The following SYNE1 variants were observed in gnomAD, a reference collection of about 807,000 sequenced individuals.
SYNE1 encodes the protein nesprin-1.
Under a neutral mutation model 1,111.0 loss-of-function variants are expected in SYNE1, and 616 were observed. The observed-to-expected ratio is 0.55, with a 90% CI of 0.52 to 0.59. The LOEUF is 0.59. Among genes scored for constraint, SYNE1 ranks in the 20% least tolerant of loss-of-function variants. The pLI, the probability that SYNE1 is intolerant of heterozygous loss-of-function variation, is 0.00. For synonymous variants in SYNE1, 3,855 were observed against 3,825.8 expected (o/e 1.01, Z -0.28); for missense variants, 10,006 against 10,417.0 (o/e 0.96, Z 1.72).
At chr6:152,605,552 G>T (rs563695208) in intron 3 of SYNE1, among the ~76,000 whole-genome samples, 1 of 152,142 alleles carries the variant, frequency 6.6e-6, no homozygotes, top group Non-Finnish European at 1.5e-5. Context: ...GTGGCTGATT[G>T]TAAAGCGACC....
At chr6:152,365,975 C>T (rs530482072) in intron 62 of SYNE1, among the ~76,000 whole-genome samples, 1 of 152,170 alleles carries the variant, frequency 6.6e-6, no homozygotes, top group Non-Finnish European at 1.5e-5. Context: ...TTTCCCCTCT[C>T]TGCCACCATT....
Position 152,301,997 on chromosome 6 carries a change from G to C in SYNE1, c.17413C>G (p.Leu5805Val). 1.2e-6 allele frequency: 2 copies of C among 1,614,262 alleles called. No homozygotes were observed. The highest frequency in any genetic ancestry group is 1.7e-6 in the Non-Finnish European group (2 of 1,180,046). The change falls in exon 92 of 146, where the codon CTG becomes GTG. Residue 5805 changes from leucine (L) to valine (V), a missense_variant. By Grantham distance (32) the Leu-to-Val change is conservative. This residue lies in a region of SYNE1 where 4,955 missense variants were observed against 5,017.2 expected (regional missense o/e 0.99). Coordinates refer to ENST00000367255, the MANE Select transcript of SYNE1 (RefSeq NM_182961.4). ...GTGGCGTGCTTGGCTTTCATCGTCA[G>C]CATCTTGCACTTGGAATTCAAAGAA... ...IASLNSKCKM[L>V]TMKAKHATML...
intron 39 of SYNE1, among the ~76,000 whole-genome samples, chr6:152,422,281 T>C (rs1198267037): frequency 6.6e-6 from 1 of 152,218 alleles, no homozygotes; most frequent in Non-Finnish European, 1.5e-5. Flanking sequence ...TAGAAATGTC[T>C]CTTATTAAAG....
chr6:152,396,519 A>C (rs1301155677), intron 50 of SYNE1, among the ~76,000 whole-genome samples: 1 of 152,164 alleles, frequency 6.6e-6, no homozygotes, highest in African/African-American at 2.4e-5. Flanking sequence ...CCAAATAAAA[A>C]TTATATGCAT....
chr6:152,621,950 G>C (rs2099676399), intron 3 of SYNE1, among the ~76,000 whole-genome samples: 1 of 152,134 alleles, frequency 6.6e-6, no homozygotes, highest in Non-Finnish European at 1.5e-5. Context: ...AAAGAGGGCA[G>C]GTAAAGTAGG....
intron 101 of SYNE1, among the ~76,000 whole-genome samples, chr6:152,257,956 A>G (rs1323581709): frequency 6.6e-6 from 1 of 152,204 alleles, no homozygotes; most frequent in East Asian, 1.9e-4. Flanking sequence ...AACACTCAAC[A>G]TCAAACATAG....
At position 152,239,635 on chromosome 6, in the gene SYNE1, T is replaced by G; in HGVS notation, c.19965A>C (p.Ala6655=). ...TATGGAACTGGGTTTCCTTTTGGAC[T>G]GCAAAGCTGATTATCTTTCTGAAGA... ...ETLFRKIISF[A]VQKETQFHTE... The change falls in exon 108 of 146, where the codon GCA becomes GCC. Residue 6655 remains alanine, a synonymous_variant. Transcript: ENST00000367255. 6.2e-7 allele frequency: 1 copy of G among 1,614,240 alleles called. No homozygotes were observed. The highest frequency in any genetic ancestry group is 1.6e-4 in the Middle Eastern group (1 of 6,062).
chr6:152,201,898 T>C lies in SYNE1; in HGVS notation c.23071A>G (p.Thr7691Ala). 6.2e-7 allele frequency: 1 copy of C among 1,613,960 alleles called. No homozygotes were observed. The highest frequency in any genetic ancestry group is 8.5e-7 in the Non-Finnish European group (1 of 1,179,840). ...GIADSLEKLR[T>A]FKKKLSQSLP... ...GACTGCGAAAGCTTCTTTTTGAAAG[T>C]TCGTAGTTTCTCCAGGGAATCTGCT... Residue 7691 changes from threonine (T) to alanine (A), a missense_variant, in exon 127 of 146, where the codon ACT (threonine) becomes GCT (alanine). Physicochemically the swap from Thr to Ala is moderately conservative, Grantham distance 58. Around this residue, in one of 7 missense-constraint regions of SYNE1, gnomAD observed 2,182 missense variants for 2,287.8 expected, o/e 0.95. Transcript: ENST00000367255.
Position 152,309,971 on chromosome 6 carries a change from A to C in SYNE1, c.17066T>G (p.Val5689Gly). The C allele has an allele frequency of 6.2e-7, 1 of 1,614,178 alleles. No individual in the cohort carries two copies. Among genetic ancestry groups the C allele is most frequent in the Non-Finnish European group, 8.5e-7 (1 of 1,180,052 alleles). The change falls in exon 90 of 146, where the codon GTG (valine) becomes GGG (glycine). Residue 5689 changes from valine to glycine, a missense_variant. Transcript: ENST00000367255. ...MESLKPKVQA[V>G]QLCQSALRIP... ...CCGGAGGGCACTCTGGCAGAGCTGC[A>C]CTGCTTGCACCTTCGGCTTCAGTGA...
chr6:152,515,129 G>A (rs1283786824), intron 6 of SYNE1, among the ~76,000 whole-genome samples: 1 of 151,910 alleles, frequency 6.6e-6, no homozygotes, highest in Non-Finnish European at 1.5e-5. Context: ...GGCTGAGGCA[G>A]GAGAATCTCT....
rs534397702 is a variant in SYNE1 at position 152,354,614 on chromosome 6, G to T, written c.10926+45C>A. 4.4e-6 allele frequency: 7 copies of T among 1,605,722 alleles called. No homozygotes were observed. The South Asian group carries it at 6.6e-5, about 15-fold the overall frequency. ...ATCTTAATGAAACAAACTATGCAAG[G>T]TAACTGTAGCTTTGACAAAGATCAG... On this transcript the variant is annotated intron_variant, in intron 67 of 145. Transcript: ENST00000367255.
At chr6:152,306,488 AAATAAAT>A (rs1340348184) in intron 91 of SYNE1, among the ~76,000 whole-genome samples, 1 of 1,794 alleles carries the variant, frequency 5.6e-4, no homozygotes, top group Non-Finnish European at 1.2e-3. Context: ...TCCATCTAAA[AAATAAAT>A]AAATAAATAA....
At position 152,279,852 on chromosome 6, in the gene SYNE1, T is replaced by C. The variant is rs549903256; in HGVS notation, c.18382-1572A>G. Among the ~76,000 whole-genome samples the C allele has an allele frequency of 1.9e-4, 29 of 152,296 alleles. 2 individuals carry two copies. In the South Asian group the frequency reaches 6.0e-3, roughly 32 times the overall value. ...TTGTTAAGAAATTAACATAATTCTG[T>C]GCAGGGTTGATTTTACCATTAGGCA... On this transcript the variant is annotated intron_variant, in intron 97 of 145. Transcript: ENST00000367255.
chr6:152,133,771 G>A, intron 142 of SYNE1: 1 of 427,368 alleles, frequency 2.3e-6, no homozygotes, highest in Non-Finnish European at 4.3e-6. Flanking sequence ...ATATATGACA[G>A]TAATTAAAAT....
intron 33 of SYNE1, chr6:152,435,622 T>TTCTGC: frequency 2.7e-6 from 1 of 370,782 alleles, no homozygotes. Flanking sequence ...AGTAAAAAAA[T>TTCTGC]TATTTTAAAT....
In SYNE1 at chr6:152,359,400, C is replaced by T. The variant is rs1229306899; in HGVS notation, c.10358G>A (p.Gly3453Glu). 1.2e-6 allele frequency: 2 copies of T among 1,613,970 alleles called. No homozygotes were observed. Among genetic ancestry groups the T allele is most frequent in the Non-Finnish European group, 1.7e-6 (2 of 1,180,032 alleles). ...SSLLETIEVK[G>E]AGMTEHYVTQ... ...GACATAGTGTTCTGTCATGCCAGCC[C>T]CTTTGACTTCGATGGTCTCCAGCAA... The change falls in exon 65 of 146, where the codon GGG becomes GAG. Residue 3453 changes from glycine to glutamate, a missense_variant. Gly to Glu is a moderately conservative substitution (Grantham distance 98). Around this residue, in one of 7 missense-constraint regions of SYNE1, gnomAD observed 4,955 missense variants for 5,017.2 expected, o/e 0.99. Transcript: ENST00000367255.
intron 3 of SYNE1, among the ~76,000 whole-genome samples, chr6:152,574,798 C>A (rs975043295): frequency 3.3e-5 from 5 of 152,174 alleles, no homozygotes; most frequent in Non-Finnish European, 5.9e-5. Context: ...CACACTAACA[C>A]TTTCAGATCC....
At chr6:152,472,259 G>A in intron 15 of SYNE1, 42 bp downstream of exon 15, 1 of 1,524,302 alleles carries the variant, frequency 6.6e-7, no homozygotes, top group African/African-American at 1.4e-5. Flanking sequence ...TCCACCTAGT[G>A]TTTTAAAAAG....
intron 3 of SYNE1, among the ~76,000 whole-genome samples, chr6:152,620,940 C>A (rs1476190419): frequency 6.6e-6 from 1 of 152,068 alleles, no homozygotes; most frequent in Non-Finnish European, 1.5e-5. Flanking sequence ...CAACCCAATA[C>A]AAAGCAACAG....
Sources: allele counts gnomAD v4.1 joint callset (sites outside exome capture counted in the v4.1 genomes callset), GRCh38; gene constraint gnomAD v4.1.1; regional missense constraint gnomAD v4.1.1; transcripts MANE v1.5; gene names NCBI Gene and HGNC (gene_info 2026-07-23, HGNC 2026-07-21).